The following FNDC3B variants were observed in gnomAD, a reference collection of about 807,000 sequenced individuals.
FNDC3B encodes fibronectin type III domain containing 3B.
Under a neutral mutation model 151.5 loss-of-function variants are expected in FNDC3B, and 12 were observed. The observed-to-expected ratio is 0.08, with a 90% CI of 0.05 to 0.13. The LOEUF (loss-of-function observed/expected upper bound fraction) is 0.13. Among genes scored for constraint, FNDC3B ranks in the 10% least tolerant of loss-of-function variants. The pLI is 1.00. For missense variants in FNDC3B, 1,214 were observed against 1,505.3 expected, an observed-to-expected ratio of 0.81 and a Z score of 3.20; for synonymous variants, 528 against 549.0, an observed-to-expected ratio of 0.96 and a Z score of 0.54.
At chr3:172,253,451 G>A (rs1050211714) in intron 6 of FNDC3B, among the ~76,000 whole-genome samples, 2 of 152,162 alleles carry the variant, frequency 1.3e-5, no homozygotes, top group African/African-American at 4.8e-5. Context: ...TCAAAATGTG[G>A]TTGTTGGCTC....
At chr3:172,041,305 T>G (rs1377594994) in intron 1 of FNDC3B, among the ~76,000 whole-genome samples, 2 of 152,190 alleles carry the variant, frequency 1.3e-5, no homozygotes, top group Non-Finnish European at 2.9e-5. Context: ...TCCTTCAGTT[T>G]CCAGGCCTTC....
intron 6 of FNDC3B, among the ~76,000 whole-genome samples, chr3:172,282,956 C>A (rs768332499): frequency 3.9e-5 from 6 of 152,220 alleles, no homozygotes; most frequent in Admixed American, 3.3e-4. Context: ...GAGGTGAGAA[C>A]CATGATGAGC....
intron 25 of FNDC3B, among the ~76,000 whole-genome samples, chr3:172,387,287 AG>A (rs1279687015): frequency 6.6e-6 from 1 of 151,922 alleles, no homozygotes; most frequent in African/African-American, 2.4e-5. Context: ...TAGTGGAGAT[AG>A]GTTTTCACCA....
intron 1 of FNDC3B, among the ~76,000 whole-genome samples, chr3:172,045,850 G>A (rs868358143): frequency 5.9e-5 from 9 of 151,822 alleles, no homozygotes; most frequent in African/African-American, 1.9e-4. Flanking sequence ...GGCATTATGT[G>A]TTGTAAAGAG....
At chr3:172,346,516 G>T in intron 20 of FNDC3B, 76 bp downstream of exon 20, 1 of 851,200 alleles carries the variant, frequency 1.2e-6, no homozygotes, top group Non-Finnish European at 1.9e-6. Context: ...TTATAAGGAA[G>T]CTGCAAATCC....
chr3:172,052,566 G>A (rs187266371), intron 1 of FNDC3B, among the ~76,000 whole-genome samples: 13 of 152,274 alleles, frequency 8.5e-5, no homozygotes, highest in African/African-American at 2.6e-4. Flanking sequence ...AGAACTTGAG[G>A]AGAATGACCT....
At chr3:172,148,822 C>T (rs556393640) in intron 3 of FNDC3B, among the ~76,000 whole-genome samples, 8 of 152,146 alleles carry the variant, frequency 5.3e-5, no homozygotes, top group Non-Finnish European at 1.0e-4. Context: ...TTTTCTACTC[C>T]TCATTGCACC....
chr3:172,229,688 G>A (rs1726789761), intron 4 of FNDC3B, among the ~76,000 whole-genome samples: 1 of 152,186 alleles, frequency 6.6e-6, no homozygotes, highest in South Asian at 2.1e-4. Flanking sequence ...GTGGCACAAA[G>A]TAGGTACTTG....
chr3:172,375,956 A>T (rs973857520), intron 23 of FNDC3B, among the ~76,000 whole-genome samples: 1 of 152,310 alleles, frequency 6.6e-6, no homozygotes, highest in Non-Finnish European at 1.5e-5. Flanking sequence ...CTCTGCAGTC[A>T]TGTCTCCTCC....
chr3:172,138,390 AT>A (rs1413064168), intron 3 of FNDC3B, among the ~76,000 whole-genome samples: 1 of 152,118 alleles, frequency 6.6e-6, no homozygotes, highest in Non-Finnish European at 1.5e-5. Context: ...TTTCTTTTAA[AT>A]TTTACTCTTC....
intron 1 of FNDC3B, among the ~76,000 whole-genome samples, chr3:172,105,045 A>T (rs1341828636): frequency 6.6e-6 from 1 of 152,184 alleles, no homozygotes; most frequent in African/African-American, 2.4e-5. Context: ...ACATTCCATT[A>T]GTTGTAGGAA....
intron 23 of FNDC3B, among the ~76,000 whole-genome samples, chr3:172,369,110 G>T (rs1349266552): frequency 6.6e-6 from 1 of 152,170 alleles, no homozygotes; most frequent in African/African-American, 2.4e-5. Flanking sequence ...AAATATCCAG[G>T]CACAGACAGA....
In FNDC3B at chr3:172,116,263, A is replaced by T. The variant is rs965426298; in HGVS notation, c.111+3673A>T. On this transcript the variant is annotated intron_variant, in intron 2 of 25. Coordinates refer to ENST00000415807, the MANE Select transcript of FNDC3B (RefSeq NM_022763.4). ...ACAGTTTTCCTTATTTAACAGCTTT[A>T]CTGAGGTATAATTCACATGTCATAC... is the stretch of plus-strand genomic sequence containing the variant. Among the ~76,000 whole-genome samples the T allele has an allele frequency of 2.0e-5, 3 of 152,364 alleles. No individual in the cohort carries two copies. The East Asian group carries it at 5.8e-4, about 29-fold the overall frequency.
intron 4 of FNDC3B, among the ~76,000 whole-genome samples, chr3:172,234,820 T>G (rs934570941): frequency 4.6e-5 from 7 of 152,202 alleles, no homozygotes; most frequent in Non-Finnish European, 1.0e-4. Context: ...ATAACTTTTT[T>G]AAGAAAAATA....
chr3:172,168,766 G>A (rs989650986), intron 3 of FNDC3B, among the ~76,000 whole-genome samples: 29 of 148,330 alleles, frequency 2.0e-4, no homozygotes, highest in Non-Finnish European at 8.9e-5. Context: ...AGGCTGGAGT[G>A]CAGTGGCGCG....
intron 3 of FNDC3B, among the ~76,000 whole-genome samples, chr3:172,195,501 A>G (rs1443429033): frequency 6.6e-6 from 1 of 152,262 alleles, no homozygotes; most frequent in African/African-American, 2.4e-5. Flanking sequence ...TCAGATGCTT[A>G]AAGCTCCACA....
At chr3:172,145,026 G>A (rs144454805) in intron 3 of FNDC3B, among the ~76,000 whole-genome samples, 4 of 151,470 alleles carry the variant, frequency 2.6e-5, no homozygotes, top group Admixed American at 1.3e-4. Flanking sequence ...TATTTGAAGA[G>A]AAAAGATTAT....
At chr3:172,130,859 C>T (rs1285741304) in intron 2 of FNDC3B, among the ~76,000 whole-genome samples, 1 of 152,080 alleles carries the variant, frequency 6.6e-6, no homozygotes, top group Admixed American at 6.6e-5. Context: ...GTTCCCCCCT[C>T]CCCCAGCTAA....
At chr3:172,379,035 G>C (rs562496004) in intron 24 of FNDC3B, among the ~76,000 whole-genome samples, 2 of 152,346 alleles carry the variant, frequency 1.3e-5, no homozygotes, top group South Asian at 4.1e-4. Context: ...CTCGAAGCTA[G>C]TGAACAAAAG....
Sources: gnomAD v4.1 joint callset for allele counts (sites outside exome capture counted in the v4.1 genomes callset) on GRCh38, gnomAD v4.1.1 for gene constraint, MANE v1.5 for transcripts, NCBI Gene and HGNC (gene_info 2026-07-23, HGNC 2026-07-21) for gene names.